NAT14: variants seen among roughly 807,000 people sequenced by gnomAD.
NAT14 encodes the protein probable N-acetyltransferase 14.
A neutral mutation model predicts 12.1 loss-of-function variants in NAT14; 14 were observed. The observed-to-expected ratio is 1.16, with a 90% CI of 0.76 to 1.81. The LOEUF (loss-of-function observed/expected upper bound fraction) is 1.81. Ranked by LOEUF, NAT14 falls within the 40% of genes most tolerant of loss-of-function variation. The pLI is 0.00. For synonymous variants in NAT14, 156 were observed against 145.1 expected, an observed-to-expected ratio of 1.08 and a Z score of -0.54; for missense variants, 341 against 304.3, an observed-to-expected ratio of 1.12 and a Z score of -0.90.
chr19:55,486,030 C>A lies in NAT14; in HGVS notation c.72+250C>A, dbSNP rs1453246880. 5.0e-6 allele frequency: 3 copies of A among 597,790 alleles called. No homozygotes were observed. The East Asian group carries it at 8.3e-5, about 16-fold the overall frequency. The allele number at this position is 597,790 out of a possible 1,614,324, so 37.0% of individuals were successfully genotyped here. On this transcript the variant is annotated intron_variant, in intron 2 of 2. Coordinates refer to ENST00000205194, the MANE Select transcript of NAT14 (RefSeq NM_020378.4). ...TCTCCCATCTCCAGTCGGCTGTGCA[C>A]GCCAGCACAACAGCCAGCTCTGTGC... is the stretch of plus-strand genomic sequence containing the variant.
At chr19:55,485,372 T>G in intron 1 of NAT14, 114 bp downstream of exon 1, 1 of 294,892 alleles carries the variant, frequency 3.4e-6, no homozygotes, top group Non-Finnish European at 6.4e-6. Context: ...GGGGAGGGTG[T>G]TCGTGGACCC....
chr19:55,485,571 T>A, intron 1 of NAT14, 90 bp from the exon 2 acceptor site: 1 of 692,556 alleles, frequency 1.4e-6, no homozygotes, highest in Non-Finnish European at 2.5e-6. Context: ...TGTCCTGATC[T>A]GGGAAGTGCC....
Position 55,486,656 on chromosome 19 carries a change from G to A in NAT14, c.321G>A (p.Val107=). 6.7e-7 allele frequency: 1 copy of A among 1,489,430 alleles called. No homozygotes were observed. The highest frequency in any genetic ancestry group is 1.3e-5 in the South Asian group (1 of 76,180). 92.3% of individuals were successfully genotyped at this position (1,489,430 alleles called of 1,614,324 possible). A position where few individuals can be genotyped will look rare whatever the true frequency, so the allele number is the denominator to read the frequency against. ...PWVAVRGSGD[V]CGVLALAPGT... ...TGGCCGTGCGGGGCTCCGGTGACGTGTGTGGGGTCCTGGCTCTGGCCCCTG... is the reference window on the plus strand; with the variant it reads ...TGGCCGTGCGGGGCTCCGGTGACGTATGTGGGGTCCTGGCTCTGGCCCCTG... The change falls in exon 3 of 3, where the codon GTG becomes GTA. Residue 107 remains valine, a synonymous_variant. Transcript: ENST00000205194.
intron 2 of NAT14, 129 bp from the exon 3 acceptor site, chr19:55,486,279 A>G: frequency 1.6e-6 from 2 of 1,235,708 alleles, no homozygotes; most frequent in Non-Finnish European, 2.1e-6. Context: ...TGCCACACTG[A>G]ACATCGGACT....
Position 55,486,943 on chromosome 19 carries a change from G to C in NAT14, c.608G>C (p.Ser203Thr). 6.4e-7 allele frequency: 1 copy of C among 1,560,976 alleles called. No homozygotes were observed. Among genetic ancestry groups the C allele is most frequent in the Non-Finnish European group, 8.6e-7 (1 of 1,161,450 alleles). The change falls in exon 3 of 3, where the codon AGC becomes ACC. Residue 203 changes from serine (S) to threonine (T), a missense_variant. By Grantham distance (58) the Ser-to-Thr change is moderately conservative. Coordinates refer to ENST00000205194, the MANE Select transcript of NAT14 (RefSeq NM_020378.4). ...GGCTACACGCTGGTGAGGGAATTCA[G>C]CAAAGACCTGTGAAGCTACAGACTG... ...CLGYTLVREF[S>T]KDL is the part of the protein sequence containing the mutation.
intron 1 of NAT14, 72 bp downstream of exon 1, chr19:55,485,330 G>A (rs534396371): frequency 2.9e-4 from 62 of 214,638 alleles, no homozygotes; most frequent in African/African-American, 1.3e-3. Context: ...GGGGACCGGG[G>A]TGGAGCGAGC....
Position 55,486,643 on chromosome 19 carries a change from G to C in NAT14, c.308G>C (p.Gly103Ala). The change falls in exon 3 of 3, where the codon GGC (glycine) becomes GCC (alanine). Residue 103 changes from glycine to alanine, a missense_variant. Coordinates refer to ENST00000205194, the MANE Select transcript of NAT14 (RefSeq NM_020378.4). The stretch of plus-strand genomic sequence containing the variant: ...GGGGGCCCCTGGGTGGCCGTGCGGG[G>C]CTCCGGTGACGTGTGTGGGGTCCTG... ...GLGGPWVAVR[G>A]SGDVCGVLAL... 6.6e-7 allele frequency: 1 copy of C among 1,510,332 alleles called. No individual in the cohort carries two copies. Among genetic ancestry groups the C allele is most frequent in the South Asian group, 1.3e-5 (1 of 79,300 alleles). 93.6% of individuals were successfully genotyped at this position (1,510,332 alleles called of 1,614,324 possible).
rs763179611 is a variant in NAT14 at position 55,486,587 on chromosome 19, ATGGGGCTCGC to A, written c.255_264del (p.Trp85CysfsTer112). 1.3e-5 allele frequency: 21 copies of A among 1,571,624 alleles called. No individual in the cohort carries two copies. The African/African-American group carries it at 2.1e-4, about 15-fold the overall frequency. ...CCGTGAAGCTGGGCCTGCGGGCCCG[ATGGGGCTCGC>A]TGCCTCCGCCGGGTGGCCTGGGGGG... On this transcript the variant is annotated frameshift_variant, in exon 3 of 3. Transcript: ENST00000205194. LOFTEE classifies it high-confidence loss of function.
intron 2 of NAT14, 167 bp downstream of exon 2, chr19:55,485,947 C>T: frequency 6.2e-6 from 4 of 640,368 alleles, no homozygotes; most frequent in Non-Finnish European, 1.1e-5. Flanking sequence ...GCAGGTGTGG[C>T]AGGTGGGGGC....
At chr19:55,486,285 G>T in intron 2 of NAT14, 123 bp from the exon 3 acceptor site, 2 of 1,298,356 alleles carry the variant, frequency 1.5e-6, no homozygotes, top group South Asian at 1.8e-5. Context: ...ACTGAACATC[G>T]GACTGTGCTG....
chr19:55,487,371 C>T lies in NAT14; in HGVS notation c.*415C>T, dbSNP rs755981042. The T allele has an allele frequency of 6.1e-5, 25 of 407,722 alleles. No homozygotes were observed. Among genetic ancestry groups the T allele is most frequent in the Middle Eastern group, 6.1e-4 (1 of 1,650 alleles). 25.3% of individuals were successfully genotyped at this position (407,722 alleles called of 1,614,324 possible). A position where few individuals can be genotyped will look rare whatever the true frequency, so the allele number is the denominator to read the frequency against. ...ACCCCAGAGTTAGGGTTTGCGACTC[C>T]GCCTCCCTGGGACCTGGATTGGGTC... On this transcript the variant is annotated 3_prime_UTR_variant, in exon 3 of 3. Transcript: ENST00000205194.
chr19:55,485,990 C>CA (rs137877756), intron 2 of NAT14: 114,224 of 604,512 alleles, frequency 0.19, 11,991 homozygotes, highest in Middle Eastern at 0.22. Context: ...ACCCCAGCAC[C>CA]AACGCCCTCC....
In NAT14 at chr19:55,487,263, G is replaced by C. The variant is rs1763807907; in HGVS notation, c.*307G>C. ...TGTCTGCACTGAGAAACCTCCCCGG[G>C]TGATGTCTGCAAAGTCTGTGCTGTC... is the stretch of plus-strand genomic sequence containing the variant. On this transcript the variant is annotated 3_prime_UTR_variant, in exon 3 of 3. Coordinates refer to ENST00000205194, the MANE Select transcript of NAT14 (RefSeq NM_020378.4). 6.4e-6 allele frequency: 3 copies of C among 470,720 alleles called. No individual in the cohort carries two copies. The highest frequency in any genetic ancestry group is 1.1e-5 in the Non-Finnish European group (3 of 270,432). 29.2% of individuals were successfully genotyped at this position (470,720 alleles called of 1,614,324 possible). A position where few individuals can be genotyped will look rare whatever the true frequency, so the allele number is the denominator to read the frequency against.
intron 2 of NAT14, 59 bp from the exon 3 acceptor site, chr19:55,486,349 T>C: frequency 7.2e-7 from 1 of 1,394,890 alleles, no homozygotes; most frequent in South Asian, 1.6e-5. Flanking sequence ...GTCTACCTCC[T>C]CTCTTTGTCC....
rs1347344278 is a variant in NAT14 at position 55,486,878 on chromosome 19, G to A, written c.543G>A (p.Glu181=). The A allele has an allele frequency of 6.5e-7, 1 of 1,539,708 alleles. No homozygotes were observed. The highest frequency in any genetic ancestry group is 2.4e-5 in the East Asian group (1 of 41,428). ...VAAWGVGGML[E]GCGYQAEGGW... ...CCTGGGGGGTGGGAGGGATGCTGGA[G>A]GGCTGTGGCTACCAGGCCGAGGGGG... Residue 181 remains glutamate, a synonymous_variant, in exon 3 of 3, where the codon GAG becomes GAA. Coordinates refer to ENST00000205194, the MANE Select transcript of NAT14 (RefSeq NM_020378.4).
In NAT14 at chr19:55,486,411, G is replaced by C. The variant is rs1222362225; in HGVS notation, c.76G>C (p.Gly26Arg). 3 of 1,461,678 alleles carry C rather than the reference G, an allele frequency of 2.1e-6. No homozygotes were observed. In the South Asian group the frequency reaches 4.3e-5, roughly 21 times the overall value. 90.5% of individuals were successfully genotyped at this position (1,461,678 alleles called of 1,614,324 possible). A position where few individuals can be genotyped will look rare whatever the true frequency, so the allele number is the denominator to read the frequency against. The change falls in exon 3 of 3, where the codon GGC becomes CGC. Residue 26 changes from glycine to arginine, a missense_variant. By Grantham distance (125) the Gly-to-Arg change is moderately radical (BLOSUM62 -2). Coordinates refer to ENST00000205194, the MANE Select transcript of NAT14 (RefSeq NM_020378.4). ...GAGCCACCCCTCCTGCCCACAGGCC[G>C]GCGTGAAGGACACGGAAAACCGCGT... ...KPLVLEMLKA[G>R]VKDTENRVAL... is the part of the protein sequence containing the mutation.
Position 55,485,692 on chromosome 19 carries a change from G to A in NAT14, c.-17G>A. 6.5e-7 allele frequency: 1 copy of A among 1,546,356 alleles called. No individual in the cohort carries two copies. Among genetic ancestry groups the A allele is most frequent in the Non-Finnish European group, 8.8e-7 (1 of 1,142,528 alleles). ...GACGCCAGCTCCCTTCTGGGGGGCCGGGGCCTGGGGGTTGCCATGGCCCCC... is the reference window on the plus strand; with the variant it reads ...GACGCCAGCTCCCTTCTGGGGGGCCAGGGCCTGGGGGTTGCCATGGCCCCC... On this transcript the variant is annotated 5_prime_UTR_variant, in exon 2 of 3. Transcript: ENST00000205194.
rs1216054803 is a variant in NAT14 at position 55,486,517 on chromosome 19, C to A, written c.182C>A (p.Ser61Tyr). Reference sequence around the variant, plus strand: ...AGCGGCCTGCGCTTTGTCCTGGCTTCCTTCGCCCTGGCCCTCCTCCTGCCG... The same window carrying A: ...AGCGGCCTGCGCTTTGTCCTGGCTTACTTCGCCCTGGCCCTCCTCCTGCCG... The part of the protein sequence containing the change: ...ASSGLRFVLA[S>Y]FALALLLPVF... Residue 61 changes from serine (S) to tyrosine (Y), a missense_variant, in exon 3 of 3, where the codon TCC becomes TAC. Ser to Tyr is a moderately radical substitution (Grantham distance 144). Transcript: ENST00000205194. 1 of 1,586,862 alleles carries A rather than the reference C, an allele frequency of 6.3e-7. No individual in the cohort carries two copies. The highest frequency in any genetic ancestry group is 2.3e-5 in the East Asian group (1 of 43,606).
chr19:55,486,308 A>T, intron 2 of NAT14, 100 bp from the exon 3 acceptor site: 1 of 1,375,152 alleles, frequency 7.3e-7, no homozygotes, highest in Non-Finnish European at 9.4e-7. Context: ...TTCCCTTCCC[A>T]TTTGGGAGCT....
Sources: allele counts gnomAD v4.1 joint callset, GRCh38; gene constraint gnomAD v4.1.1; transcripts MANE v1.5; gene names NCBI Gene and HGNC (gene_info 2026-07-23, HGNC 2026-07-21).